Variants in TAS1R1 observed in about 807,000 individuals in gnomAD.
TAS1R1 encodes the protein taste receptor type 1 member 1.
A neutral mutation model predicts 45.8 loss-of-function variants in TAS1R1; 31 were observed. That is an observed-to-expected ratio of 0.68 (90% CI 0.51 to 0.91). TAS1R1 has a LOEUF of 0.91. Among genes scored for constraint, TAS1R1 ranks in the 40% least tolerant of loss-of-function variants. The pLI is 0.00. For missense variants in TAS1R1, 1,051 were observed against 1,063.9 expected (o/e 0.99, Z 0.17); for synonymous variants, 437 against 448.4 (o/e 0.97, Z 0.32).
At chr1:6,573,929 C>T (rs1016661488) in intron 2 of TAS1R1, among the ~76,000 whole-genome samples, 6 of 152,216 alleles carry the variant, frequency 3.9e-5, no homozygotes, top group Middle Eastern at 3.4e-3. Context: ...TCCCAATGTG[C>T]TGGGATTACA....
chr1:6,575,294 A>G lies in TAS1R1; in HGVS notation c.1162A>G (p.Asn388Asp), dbSNP rs1483581516. Residue 388 changes from asparagine (N) to aspartate (D), a missense_variant, in exon 3 of 6, where the codon AAC becomes GAC. Transcript: ENST00000333172. ...AGCCTTCTCCATGAGTTCTGCCTAC[A>G]ACGCATACCGGGCTGTGTATGCGGT... The part of the protein sequence containing the change: ...LKAFSMSSAY[N>D]AYRAVYAVAH... 1 of 1,612,926 alleles carries G rather than the reference A, an allele frequency of 6.2e-7. No individual in the cohort carries two copies. The highest frequency in any genetic ancestry group is 8.5e-7 in the Non-Finnish European group (1 of 1,180,006).
At position 6,579,201 on chromosome 1, in the gene TAS1R1, CTGG is replaced by C. The variant is rs1640301215; in HGVS notation, c.2146_2148del (p.Val716del). ...TAGGGAATACCAGCGCTTCCCCCAT[CTGG>C]TGATGCTTGAGTGCACAGAGACCAA... On this transcript the variant is annotated inframe_deletion, in exon 6 of 6. Coordinates refer to ENST00000333172, the MANE Select transcript of TAS1R1 (RefSeq NM_138697.4). The C allele has an allele frequency of 6.2e-7, 1 of 1,614,228 alleles. No homozygotes were observed. Among genetic ancestry groups the C allele is most frequent in the Middle Eastern group, 1.6e-4 (1 of 6,062 alleles).
chr1:6,578,721 C>A lies in TAS1R1; in HGVS notation c.1663C>A (p.Arg555Ser), dbSNP rs201116489. 1 of 1,612,284 alleles carries A rather than the reference C, an allele frequency of 6.2e-7. No individual in the cohort carries two copies. The highest frequency in any genetic ancestry group is 1.1e-5 in the South Asian group (1 of 90,838). ...TGAGGGAAGCCAGACCTGCTTCCCGCGCACTGTGGTGTTTTTGGCTTTGCG... is the reference window on the plus strand; with the variant it reads ...TGAGGGAAGCCAGACCTGCTTCCCGAGCACTGTGGTGTTTTTGGCTTTGCG... Reference protein sequence around the residue: ...APEGSQTCFPRTVVFLALREH... With the variant: ...APEGSQTCFPSTVVFLALREH... Residue 555 changes from arginine to serine, a missense_variant, in exon 6 of 6, where the codon CGC (arginine) becomes AGC (serine). Coordinates refer to ENST00000333172, the MANE Select transcript of TAS1R1 (RefSeq NM_138697.4).
intron 1 of TAS1R1, 46 bp downstream of exon 1, chr1:6,555,610 A>G: frequency 6.6e-7 from 1 of 1,510,778 alleles, no homozygotes; most frequent in Non-Finnish European, 8.9e-7. Context: ...ACCCCTGGCT[A>G]TAGGGCCCCT....
rs772055772 is a variant in TAS1R1, at chr1:6,555,431, G to A, written c.58G>A (p.Ala20Thr). The change falls in exon 1 of 6, where the codon GCC (alanine) becomes ACC (threonine). Residue 20 changes from alanine (A) to threonine (T), a missense_variant. Transcript: ENST00000333172. ...GCAGCTTCTCATTTCCTGCTGCTGG[G>A]CCTTTGCCTGCCATAGCACGGAGTC... Reference protein sequence around the residue: ...GLQLLISCCWAFACHSTESSP... With the variant: ...GLQLLISCCWTFACHSTESSP... The A allele has an allele frequency of 5.6e-6, 9 of 1,606,874 alleles. No individual in the cohort carries two copies. In the East Asian group the frequency reaches 6.7e-5, roughly 12 times the overall value.
intron 1 of TAS1R1, among the ~76,000 whole-genome samples, chr1:6,557,184 G>A (rs181115194): frequency 2.8e-3 from 427 of 151,500 alleles, no homozygotes; most frequent in Non-Finnish European, 4.9e-3. Flanking sequence ...CGACCTACTC[G>A]AAGGGCTACA....
rs1401007336 is a variant in TAS1R1, at chr1:6,579,125, C to T, written c.2067C>T (p.Ala689=). Residue 689 remains alanine, a synonymous_variant, in exon 6 of 6, where the codon GCC becomes GCT. Transcript: ENST00000333172. The stretch of plus-strand genomic sequence containing the variant: ...TGTTTGTGATGATCAGCTCAGCGGC[C>T]CAGCTGCTTATCTGTCTAACTTGGC... The part of the protein sequence containing the change: ...AGLFVMISSA[A]QLLICLTWLV... The T allele has an allele frequency of 3.1e-6, 5 of 1,614,070 alleles. No individual in the cohort carries two copies. The East Asian group carries it at 6.7e-5, about 22-fold the overall frequency.
chr1:6,555,702 G>A, intron 1 of TAS1R1, 138 bp downstream of exon 1: 1 of 780,326 alleles, frequency 1.3e-6, no homozygotes. Flanking sequence ...CAATCCACTT[G>A]CCACCTAAGT....
chr1:6,558,036 G>GTTTTTTTTTTTTTTTTTTTTTTTTTT (rs779773064), intron 1 of TAS1R1, among the ~76,000 whole-genome samples: 2 of 140,822 alleles, frequency 1.4e-5, no homozygotes. Flanking sequence ...GTAGTGGTTA[G>GTTTTTTTTTTTTTTTTTTTTTTTTTT]TTTTTGTTTT....
At position 6,574,617 on chromosome 1, in the gene TAS1R1, G is replaced by C. The variant is rs753633954; in HGVS notation, c.499-14G>C. ...TCAGTGGAGACTGAAATGGCTGAAC[G>C]GGACCTCCCATAGATTAGCTATGCG... On this transcript the variant is annotated splice_polypyrimidine_tract_variant and intron_variant, in intron 2 of 5. Coordinates refer to ENST00000333172, the MANE Select transcript of TAS1R1 (RefSeq NM_138697.4). This position sits in a 1 kb window ranked among gnomAD's most constrained non-coding sequence, Gnocchi z 4.3. 4 of 1,581,016 alleles carry C rather than the reference G, an allele frequency of 2.5e-6. No individual in the cohort carries two copies. In the African/African-American group the frequency reaches 5.4e-5, roughly 21 times the overall value.
chr1:6,569,505 A>C (rs1639954478), intron 1 of TAS1R1, among the ~76,000 whole-genome samples: 1 of 152,218 alleles, frequency 6.6e-6, no homozygotes, highest in South Asian at 2.1e-4. Context: ...GTAGAAAAGC[A>C]GCTTCTTAGG....
chr1:6,571,860 C>T (rs1014690760), intron 2 of TAS1R1, among the ~76,000 whole-genome samples: 1 of 152,180 alleles, frequency 6.6e-6, no homozygotes, highest in Non-Finnish European at 1.5e-5. Context: ...TTGCTTCCCA[C>T]CCCATAGACT....
At chr1:6,566,238 T>C (rs981202740) in intron 1 of TAS1R1, among the ~76,000 whole-genome samples, 2 of 152,122 alleles carry the variant, frequency 1.3e-5, no homozygotes, top group Admixed American at 6.5e-5. Flanking sequence ...GTTGCTGTGA[T>C]TGGAGGGTGT....
chr1:6,568,584 G>A (rs1639927098), intron 1 of TAS1R1, among the ~76,000 whole-genome samples: 1 of 152,050 alleles, frequency 6.6e-6, no homozygotes, highest in Non-Finnish European at 1.5e-5. Context: ...CTTTTGGGAA[G>A]TTTCTTTAAG....
rs1186211535 is a variant in TAS1R1 at position 6,577,038 on chromosome 1, C to G, written c.1562C>G (p.Pro521Arg). The G allele has an allele frequency of 3.1e-6, 5 of 1,614,206 alleles. No individual in the cohort carries two copies. Among genetic ancestry groups the G allele is most frequent in the Non-Finnish European group, 4.2e-6 (5 of 1,180,026 alleles). ...CATCACTGCTGCTTTGAGTGTGTGC[C>G]CTGTGGGGCTGGGACCTTCCTCAAC... is the stretch of plus-strand genomic sequence containing the variant. ...GFHHCCFECVPCGAGTFLNKS... is the reference protein window; with the variant it reads ...GFHHCCFECVRCGAGTFLNKS... Residue 521 changes from proline to arginine, a missense_variant, in exon 5 of 6, where the codon CCC becomes CGC. Pro to Arg is a moderately radical substitution (Grantham distance 103). Transcript: ENST00000333172.
In TAS1R1 at chr1:6,576,408, C is replaced by G. The variant is rs763116122; in HGVS notation, c.1261-7C>G. ...TGTGGTGGCTTCATGATACGCGTTT[C>G]TTTCAGCTTTTGGAGCAGATCCACA... On this transcript the variant is annotated splice_polypyrimidine_tract_variant and splice_region_variant and intron_variant, in intron 3 of 5. Transcript: ENST00000333172. The G allele has an allele frequency of 6.2e-7, 1 of 1,614,050 alleles. No homozygotes were observed. The highest frequency in any genetic ancestry group is 8.5e-7 in the Non-Finnish European group (1 of 1,180,006).
At chr1:6,563,949 A>G (rs1639831007) in intron 1 of TAS1R1, among the ~76,000 whole-genome samples, 1 of 152,112 alleles carries the variant, frequency 6.6e-6, no homozygotes, top group Non-Finnish European at 1.5e-5. Flanking sequence ...AGGCAGGAAC[A>G]GGGCATTTGA....
intron 1 of TAS1R1, 25 bp from the exon 2 acceptor site, chr1:6,570,884 T>C: frequency 6.4e-7 from 1 of 1,570,206 alleles, no homozygotes; most frequent in Non-Finnish European, 8.6e-7. Flanking sequence ...CCTTCTCAGC[T>C]GTCTCTTACT....
Position 6,578,969 on chromosome 1 carries a change from CTT to C in TAS1R1, c.1913_1914del (p.Phe638CysfsTer69), listed in dbSNP as rs1640281453. 1.2e-6 allele frequency: 2 copies of C among 1,614,052 alleles called. No individual in the cohort carries two copies. The highest frequency in any genetic ancestry group is 3.3e-5 in the Admixed American group (2 of 60,010). On this transcript the variant is annotated frameshift_variant, in exon 6 of 6. Transcript: ENST00000333172. LOFTEE classifies it low-confidence loss of function (END_TRUNC). ...CTGCGTGCTTGCTACGCCAGGCCCT[CTT>C]TGCCCTTGGTTTCACCATCTTCCTG... ...RPACLLRQAL[F>X]ALGFTIFLSC...
Sources: allele counts gnomAD v4.1 joint callset (sites outside exome capture counted in the v4.1 genomes callset), GRCh38; gene constraint gnomAD v4.1.1; non-coding constraint Gnocchi (gnomAD v3.1); transcripts MANE v1.5; gene names NCBI Gene and HGNC (gene_info 2026-07-23, HGNC 2026-07-21).